PAPSS2: variants seen among roughly 807,000 people sequenced by gnomAD.
PAPSS2 encodes the protein 3'-phosphoadenosine 5'-phosphosulfate synthase 2.
A neutral mutation model predicts 66.5 loss-of-function variants in PAPSS2; 61 were observed. The ratio of observed to expected loss-of-function variants is 0.92; its 90% CI spans 0.75 to 1.14. The LOEUF (loss-of-function observed/expected upper bound fraction) is 1.14, where lower values mean the gene tolerates loss of function less well. PAPSS2 is among the 50% of genes most tolerant of loss of function. The pLI is 0.00. For missense variants in PAPSS2, 708 were observed against 789.6 expected (o/e 0.90, Z 1.24); for synonymous variants, 289 against 287.5 (o/e 1.01, Z -0.05).
intron 1 of PAPSS2, among the ~76,000 whole-genome samples, chr10:87,706,398 T>C (rs1398462209): frequency 1.3e-5 from 2 of 151,358 alleles, no homozygotes; most frequent in South Asian, 4.2e-4. Context: ...ACAAGGAAAT[T>C]GAAAAAAAGG....
chr10:87,685,599 G>A (rs369927907), intron 1 of PAPSS2, among the ~76,000 whole-genome samples: 20 of 152,160 alleles, frequency 1.3e-4, no homozygotes, highest in Admixed American at 4.6e-4. Flanking sequence ...TGGGAGGATC[G>A]CTTGAGCCTG....
intron 1 of PAPSS2, among the ~76,000 whole-genome samples, chr10:87,707,068 A>G (rs1183381057): frequency 6.6e-6 from 1 of 152,124 alleles, no homozygotes; most frequent in Non-Finnish European, 1.5e-5. Flanking sequence ...CCCTTCTGAC[A>G]CTGATAATGC....
At chr10:87,717,851 A>C (rs1265430858) in intron 7 of PAPSS2, among the ~76,000 whole-genome samples, 3 of 152,164 alleles carry the variant, frequency 2.0e-5, no homozygotes, top group African/African-American at 7.2e-5. Flanking sequence ...TTGGCCTTGC[A>C]AAGTGCTATT....
rs1296833994 is a variant in PAPSS2 at position 87,744,947 on chromosome 10, T to C, written c.1492-55T>C. 5 of 1,462,782 alleles carry C rather than the reference T, an allele frequency of 3.4e-6. No homozygotes were observed. The East Asian group carries it at 6.8e-5, about 20-fold the overall frequency. 90.6% of individuals were successfully genotyped at this position (1,462,782 alleles called of 1,614,324 possible). ...AGAATAAAGGTGTCTCCATAAACCA[T>C]GACCTACAGATTTGACCCACAATGA... On this transcript the variant is annotated intron_variant, in intron 11 of 12. Transcript: ENST00000456849.
chr10:87,701,816 T>G (rs1341178591), intron 1 of PAPSS2, among the ~76,000 whole-genome samples: 1 of 152,148 alleles, frequency 6.6e-6, no homozygotes, highest in Non-Finnish European at 1.5e-5. Context: ...CCTAAGTAAC[T>G]TATTACACAG....
intron 1 of PAPSS2, among the ~76,000 whole-genome samples, chr10:87,690,328 G>A (rs1328603215): frequency 6.6e-6 from 1 of 152,202 alleles, no homozygotes; most frequent in Admixed American, 6.5e-5. Context: ...GTGTAATAGT[G>A]TGGAAAGGAG....
At chr10:87,715,651 A>G (rs762302482) in intron 6 of PAPSS2, 81 bp from the exon 7 acceptor site, 101 of 838,210 alleles carry the variant, frequency 1.2e-4, no homozygotes, top group Non-Finnish European at 2.0e-4. Context: ...CTGTTAACTG[A>G]ATAAGAAAGG....
chr10:87,676,872 CAAAAAAAAAAAAAAAAAAAAAAAA>C (rs71019493), intron 1 of PAPSS2, among the ~76,000 whole-genome samples: 2 of 31,340 alleles, frequency 6.4e-5, no homozygotes, highest in African/African-American at 2.2e-4. Flanking sequence ...GACCCTGTCT[CAAAAAAAAAAAAAAAAAAAAAAAA>C]AAAAAAAAAA....
chr10:87,702,047 T>C (rs1280198919), intron 1 of PAPSS2, among the ~76,000 whole-genome samples: 1 of 152,200 alleles, frequency 6.6e-6, no homozygotes, highest in Non-Finnish European at 1.5e-5. Flanking sequence ...GGTTGTATAT[T>C]CAAAAGAACT....
chr10:87,660,081 G>C (rs1016211475), intron 1 of PAPSS2, 73 bp downstream of exon 1: 66 of 1,476,960 alleles, frequency 4.5e-5, no homozygotes, highest in East Asian at 7.1e-5. Context: ...CCAATTCCCC[G>C]GCACTTGGGT....
intron 1 of PAPSS2, among the ~76,000 whole-genome samples, chr10:87,674,528 A>G (rs573847606): frequency 2.0e-5 from 3 of 152,306 alleles, no homozygotes; most frequent in African/African-American, 7.2e-5. Context: ...GAAGACAGGC[A>G]ACAAACCACA....
chr10:87,713,565 GA>G (rs1263164005), intron 3 of PAPSS2, among the ~76,000 whole-genome samples: 4 of 152,098 alleles, frequency 2.6e-5, no homozygotes, highest in Non-Finnish European at 5.9e-5. Context: ...CAATTATAAG[GA>G]ACATTTGGTG....
intron 9 of PAPSS2, among the ~76,000 whole-genome samples, chr10:87,739,849 T>A (rs1853845449): frequency 6.6e-6 from 1 of 152,246 alleles, no homozygotes; most frequent in Admixed American, 6.5e-5. Flanking sequence ...GTGTTCTTGA[T>A]GAAGCTGTAA....
At chr10:87,683,706 T>C (rs752440793) in intron 1 of PAPSS2, among the ~76,000 whole-genome samples, 5 of 151,920 alleles carry the variant, frequency 3.3e-5, no homozygotes, top group Non-Finnish European at 5.9e-5. Flanking sequence ...TTTTTTTTTT[T>C]TGAAACAAGG....
rs564240502 is a variant in PAPSS2, at chr10:87,739,706, T to C, written c.1087-1529T>C. 1.2e-4 allele frequency among the ~76,000 whole-genome samples: 19 copies of C among 152,348 alleles called. No individual in the cohort carries two copies. In the South Asian group the frequency reaches 3.9e-3, roughly 32 times the overall value. On this transcript the variant is annotated intron_variant, in intron 9 of 12. Coordinates refer to ENST00000456849, the MANE Select transcript of PAPSS2 (RefSeq NM_001015880.2). ...CTTTTTCTCTGTGTTGACATTTGAA[T>C]TGCTGGTACAAAAGCAGTAGTGGTT...
At chr10:87,734,730 A>G (rs1366977165) in intron 9 of PAPSS2, among the ~76,000 whole-genome samples, 7 of 131,216 alleles carry the variant, frequency 5.3e-5, no homozygotes, top group African/African-American at 2.0e-4. Flanking sequence ...TCTTGTAGGC[A>G]TTAGTTTTTC....
intron 1 of PAPSS2, among the ~76,000 whole-genome samples, chr10:87,688,918 A>G (rs985992288): frequency 7.2e-5 from 11 of 152,120 alleles, no homozygotes; most frequent in African/African-American, 2.2e-4. Flanking sequence ...AACCAGAATA[A>G]TTGGAGTCCC....
At chr10:87,684,567 G>A (rs1454949872) in intron 1 of PAPSS2, among the ~76,000 whole-genome samples, 1 of 152,210 alleles carries the variant, frequency 6.6e-6, no homozygotes, top group Non-Finnish European at 1.5e-5. Flanking sequence ...ACCGTACAAT[G>A]TGTACTCTTC....
At position 87,713,304 on chromosome 10, in the gene PAPSS2, C is replaced by T. The variant is rs145230931; in HGVS notation, c.375C>T (p.Phe125=). ...GCATTACCAGCTTTATTTCTCCATT[C>T]GCAAAGGTAAAAAAAAAAAAAAAAA... ...LVCITSFISP[F]AKDRENARKI... The change falls in exon 3 of 13, where the codon TTC becomes TTT. Residue 125 remains phenylalanine, a synonymous_variant. Transcript: ENST00000456849. 2,375 of 735,024 alleles carry T rather than the reference C, an allele frequency of 3.2e-3. 25 individuals are homozygous for T. The highest frequency in any genetic ancestry group is 0.03 in the Middle Eastern group (83 of 2,752). The allele number at this position is 735,024 out of a possible 1,614,324, so 45.5% of individuals were successfully genotyped here.
Sources: gnomAD v4.1 joint callset for allele counts (sites outside exome capture counted in the v4.1 genomes callset) on GRCh38, gnomAD v4.1.1 for gene constraint, MANE v1.5 for transcripts, NCBI Gene and HGNC (gene_info 2026-07-23, HGNC 2026-07-21) for gene names.